CCDC141: variants seen among roughly 807,000 people sequenced by gnomAD.
CCDC141 encodes the protein coiled-coil domain-containing protein 141.
CCDC141 carries 168 observed loss-of-function variants against 181.0 expected under a neutral mutation model. The observed-to-expected ratio is 0.93, with a 90% CI of 0.82 to 1.05. The LOEUF (loss-of-function observed/expected upper bound fraction) is 1.05. CCDC141 is among the 50% of genes least tolerant of loss of function. The pLI is 0.00. For synonymous variants in CCDC141, 666 were observed against 642.3 expected, an observed-to-expected ratio of 1.04 and a Z score of -0.56; for missense variants, 1,902 against 1,788.5, an observed-to-expected ratio of 1.06 and a Z score of -1.14.
chr2:178,947,851 C>T (rs1002239715), intron 5 of CCDC141, among the ~76,000 whole-genome samples: 1 of 152,174 alleles, frequency 6.6e-6, no homozygotes, highest in African/African-American at 2.4e-5. Context: ...ACGTGTAAAG[C>T]ACACAGCAGG....
At chr2:178,873,824 A>T (rs1686228665) in intron 12 of CCDC141, 1 of 152,168 alleles carries the variant, frequency 6.6e-6, no homozygotes, top group Non-Finnish European at 1.5e-5. Flanking sequence ...TTTTTCGTTT[A>T]TATTCATGCA....
intron 11 of CCDC141, among the ~76,000 whole-genome samples, chr2:178,884,631 C>T (rs1405074945): frequency 6.6e-6 from 1 of 152,076 alleles, no homozygotes; most frequent in Non-Finnish European, 1.5e-5. Context: ...AGTTCCCCAA[C>T]CCCCCTTTGG....
chr2:178,999,407 G>A (rs1281179717), intron 2 of CCDC141, among the ~76,000 whole-genome samples: 3 of 151,954 alleles, frequency 2.0e-5, no homozygotes, highest in Admixed American at 1.3e-4. Context: ...CTTCTCACCC[G>A]AATTCCTACA....
At chr2:178,935,550 G>T (rs1380469730) in intron 6 of CCDC141, among the ~76,000 whole-genome samples, 1 of 152,026 alleles carries the variant, frequency 6.6e-6, no homozygotes, top group East Asian at 1.9e-4. Context: ...ATCATTTTAT[G>T]TCTTCCCTGT....
the CCDC141 span, among the ~76,000 whole-genome samples, chr2:178,815,185 G>A: frequency 6.6e-6 from 1 of 152,110 alleles, no homozygotes; most frequent in Admixed American, 6.6e-5. Context: ...CTAATGATAT[G>A]CTCCATAACA....
chr2:179,012,828 T>C (rs2042308548), intron 2 of CCDC141, among the ~76,000 whole-genome samples: 2 of 152,152 alleles, frequency 1.3e-5, no homozygotes, highest in South Asian at 4.2e-4. Context: ...AGTCAATAAA[T>C]GTGATATACC....
At chr2:178,868,629 TC>T (rs1685964852) in intron 15 of CCDC141, among the ~76,000 whole-genome samples, 1 of 84,922 alleles carries the variant, frequency 1.2e-5, no homozygotes. Context: ...AAAAAAAAAA[TC>T]TAACTTGGTT....
intron 7 of CCDC141, among the ~76,000 whole-genome samples, chr2:178,912,456 T>C (rs1688259309): frequency 6.6e-6 from 1 of 152,220 alleles, no homozygotes; most frequent in Non-Finnish European, 1.5e-5. Flanking sequence ...TCTTTTTCTA[T>C]AATTTTTCTA....
At chr2:179,003,186 A>G (rs1364859017) in intron 2 of CCDC141, among the ~76,000 whole-genome samples, 2 of 152,238 alleles carry the variant, frequency 1.3e-5, no homozygotes, top group Non-Finnish European at 1.5e-5. Context: ...TTGACATAAT[A>G]TTATCTTTCA....
chr2:178,953,362 G>A (rs1456205933), intron 5 of CCDC141, among the ~76,000 whole-genome samples: 7 of 152,012 alleles, frequency 4.6e-5, no homozygotes, highest in African/African-American at 7.2e-5. Flanking sequence ...GCATGAACCC[G>A]GGAGGCGGAG....
chr2:178,979,841 C>A lies in CCDC141; in HGVS notation c.226-1166G>T, dbSNP rs186426330. On this transcript the variant is annotated intron_variant, in intron 2 of 23. Transcript: ENST00000443758. ...AGTCTTACATCAAACAAATAGATAACAAGAACTACAATTATGGACTGCTTT... is the reference window on the plus strand; with the variant it reads ...AGTCTTACATCAAACAAATAGATAAAAAGAACTACAATTATGGACTGCTTT... Among the ~76,000 whole-genome samples the A allele has an allele frequency of 1.8e-4, 27 of 152,178 alleles. No individual in the cohort carries two copies. The East Asian group carries it at 3.3e-3, about 18-fold the overall frequency.
chr2:178,962,837 T>C (rs990275178), intron 4 of CCDC141, among the ~76,000 whole-genome samples: 2 of 152,112 alleles, frequency 1.3e-5, no homozygotes, highest in Non-Finnish European at 2.9e-5. Flanking sequence ...CTTATCTTCT[T>C]TAAATTCCTC....
intron 17 of CCDC141, among the ~76,000 whole-genome samples, chr2:178,856,966 T>C (rs912074083): frequency 2.0e-5 from 3 of 152,222 alleles, no homozygotes; most frequent in Admixed American, 6.5e-5. Flanking sequence ...ATATAAGTAA[T>C]TATAAAATGT....
At chr2:179,004,116 C>A (rs1035171307) in intron 2 of CCDC141, among the ~76,000 whole-genome samples, 2 of 152,074 alleles carry the variant, frequency 1.3e-5, no homozygotes, top group African/African-American at 4.8e-5. Flanking sequence ...ATTACCTCAA[C>A]AAATTTGGTC....
chr2:179,012,379 T>C (rs2042294489), intron 2 of CCDC141, among the ~76,000 whole-genome samples: 1 of 152,096 alleles, frequency 6.6e-6, no homozygotes. Flanking sequence ...AAAAGATGGA[T>C]ACATTCCTGG....
At chr2:178,823,023 A>AT in the CCDC141 span, among the ~76,000 whole-genome samples, 1,841 of 152,318 alleles carry the variant, frequency 0.012, 44 homozygotes, top group African/African-American at 0.041. Context: ...CACATATGAA[A>AT]AGGAATATAG....
At chr2:178,910,519 C>T (rs1358712139) in intron 7 of CCDC141, among the ~76,000 whole-genome samples, 1 of 152,200 alleles carries the variant, frequency 6.6e-6, no homozygotes, top group African/African-American at 2.4e-5. Flanking sequence ...ATTCAGATTT[C>T]CCTTAGGTTC....
intron 5 of CCDC141, among the ~76,000 whole-genome samples, chr2:178,959,811 T>C (rs1690317848): frequency 6.6e-6 from 1 of 152,230 alleles, no homozygotes; most frequent in Admixed American, 6.5e-5. Flanking sequence ...TTTGGGTCTC[T>C]GCTCTATGCC....
intron 6 of CCDC141, 30 bp from the exon 7 acceptor site, chr2:178,918,937 C>T (rs1254112407): frequency 7.2e-6 from 11 of 1,531,352 alleles, no homozygotes; most frequent in South Asian, 3.6e-5. Context: ...TTATTTTATA[C>T]ATCTCCTCTG....
Sources: gnomAD v4.1 joint callset for allele counts (sites outside exome capture counted in the v4.1 genomes callset) on GRCh38, gnomAD v4.1.1 for gene constraint, MANE v1.5 for transcripts, NCBI Gene and HGNC (gene_info 2026-07-23, HGNC 2026-07-21) for gene names.